AUTS2: variants seen among roughly 807,000 people sequenced by gnomAD.
The protein encoded by AUTS2 is autism susceptibility gene 2 protein.
In AUTS2, 17 loss-of-function variants were observed where a neutral mutation model predicts 112.4. That is an observed-to-expected ratio of 0.15 (90% CI 0.10 to 0.23). The LOEUF (loss-of-function observed/expected upper bound fraction) is 0.23. Ranked by LOEUF, AUTS2 falls within the 10% of genes least tolerant of loss-of-function variation. AUTS2 has a pLI of 1.00. For missense variants in AUTS2, 1,510 were observed against 1,701.6 expected (o/e 0.89, Z 1.98); for synonymous variants, 751 against 702.7 (o/e 1.07, Z -1.09).
chr7:70,152,892 G>T (rs1807521789), intron 4 of AUTS2, among the ~76,000 whole-genome samples: 1 of 152,094 alleles, frequency 6.6e-6, no homozygotes, highest in Non-Finnish European at 1.5e-5. Flanking sequence ...TTGAGGAATT[G>T]CAACTCTTTT....
chr7:70,108,337 G>A (rs967899460), intron 2 of AUTS2, among the ~76,000 whole-genome samples: 1 of 152,108 alleles, frequency 6.6e-6, no homozygotes, highest in African/African-American at 2.4e-5. Flanking sequence ...AATTAAAATG[G>A]ATAAACAGTA....
intron 4 of AUTS2, among the ~76,000 whole-genome samples, chr7:70,181,148 A>G (rs565008640): frequency 6.6e-6 from 1 of 152,328 alleles, no homozygotes; most frequent in Admixed American, 6.5e-5. Flanking sequence ...CTCTTCCACT[A>G]CTGCATAGTA....
At chr7:69,736,547 A>C (rs1252502161) in intron 1 of AUTS2, among the ~76,000 whole-genome samples, 1 of 152,174 alleles carries the variant, frequency 6.6e-6, no homozygotes, top group Non-Finnish European at 1.5e-5. Flanking sequence ...ATTTTAGAGA[A>C]GATATAAATT....
At position 70,131,736 on chromosome 7, in the gene AUTS2, C is replaced by G. The variant is rs536387308; in HGVS notation, c.625-2800C>G. ...TAGACTTTAGATTATAAATATATGA[C>G]AGAGACTCTTTACTGGGCCTTTTGG... On this transcript the variant is annotated intron_variant, in intron 3 of 18. Transcript: ENST00000342771. 7.9e-5 allele frequency among the ~76,000 whole-genome samples: 12 copies of G among 152,056 alleles called. No homozygotes were observed. The South Asian group carries it at 2.5e-3, about 32-fold the overall frequency.
chr7:70,036,732 G>A (rs1251245331), intron 2 of AUTS2, among the ~76,000 whole-genome samples: 1 of 152,242 alleles, frequency 6.6e-6, no homozygotes, highest in African/African-American at 2.4e-5. Context: ...AGAGTTAAAA[G>A]AGAAGGCCTC....
At chr7:70,715,355 C>T (rs998751850) in intron 6 of AUTS2, among the ~76,000 whole-genome samples, 3 of 152,112 alleles carry the variant, frequency 2.0e-5, no homozygotes, top group Admixed American at 2.0e-4. Context: ...AGAACAACAT[C>T]GTCAAATGAG....
chr7:70,778,547 G>A (rs1447789070), intron 14 of AUTS2, among the ~76,000 whole-genome samples: 1 of 150,750 alleles, frequency 6.6e-6, no homozygotes, highest in Non-Finnish European at 1.5e-5. Flanking sequence ...GTCCAGCCTG[G>A]GCAACATAGC....
chr7:70,217,845 ACTTTAAC>A (rs1811253405), intron 4 of AUTS2, among the ~76,000 whole-genome samples: 2 of 152,250 alleles, frequency 1.3e-5, no homozygotes, highest in Non-Finnish European at 2.9e-5. Context: ...GAAAGGCCAT[ACTTTAAC>A]CTTGTCTAGT....
chr7:70,387,327 A>C (rs1793657966), intron 4 of AUTS2, among the ~76,000 whole-genome samples: 1 of 152,164 alleles, frequency 6.6e-6, no homozygotes, highest in Non-Finnish European at 1.5e-5. Flanking sequence ...TGAGACCTCT[A>C]GGTAACCTGG....
rs371184125 is a variant in AUTS2 at position 70,777,189 on chromosome 7, C to T, written c.2004+15C>T. ...AGAAAGTCAAGGTCAGTCCGACCTTCGTGGTGTAGGGAAGAATGGGATGCA... is the reference window on the plus strand; with the variant it reads ...AGAAAGTCAAGGTCAGTCCGACCTTTGTGGTGTAGGGAAGAATGGGATGCA... On this transcript the variant is annotated intron_variant, in intron 14 of 18. Transcript: ENST00000342771. 18 of 1,611,086 alleles carry T rather than the reference C, an allele frequency of 1.1e-5. No homozygotes were observed. Among genetic ancestry groups the T allele is most frequent in the Middle Eastern group, 1.6e-4 (1 of 6,082 alleles).
intron 5 of AUTS2, among the ~76,000 whole-genome samples, chr7:70,517,859 C>A (rs1007148601): frequency 6.6e-6 from 1 of 151,872 alleles, no homozygotes; most frequent in Non-Finnish European, 1.5e-5. Flanking sequence ...TGATTTGTAT[C>A]CAGTTACATT....
chr7:70,131,280 A>G (rs950105459), intron 3 of AUTS2, among the ~76,000 whole-genome samples: 2 of 152,008 alleles, frequency 1.3e-5, no homozygotes, highest in Non-Finnish European at 2.9e-5. Context: ...GTGAGATGCT[A>G]TCTCTAGGAA....
intron 2 of AUTS2, among the ~76,000 whole-genome samples, chr7:69,926,688 A>G (rs544901006): frequency 8.4e-4 from 126 of 150,360 alleles, no homozygotes; most frequent in Non-Finnish European, 1.6e-3. Context: ...ATTTCATTTT[A>G]TGTCTTTTGT....
intron 3 of AUTS2, among the ~76,000 whole-genome samples, chr7:70,124,461 T>G (rs965973796): frequency 1.3e-5 from 2 of 152,150 alleles, no homozygotes; most frequent in African/African-American, 4.8e-5. Context: ...ACTGCCTAGG[T>G]TGTCTTCCAG....
intron 4 of AUTS2, among the ~76,000 whole-genome samples, chr7:70,297,069 C>T (rs561541831): frequency 1.4e-5 from 2 of 140,316 alleles, no homozygotes; most frequent in Admixed American, 1.5e-4. Context: ...AGGCTGGTTT[C>T]GAACTTTTGG....
intron 2 of AUTS2, among the ~76,000 whole-genome samples, chr7:70,092,244 G>A (rs921191731): frequency 1.5e-4 from 23 of 152,178 alleles, no homozygotes; most frequent in African/African-American, 4.8e-4. Flanking sequence ...TATTTTAGCC[G>A]TAAACTTAAT....
intron 1 of AUTS2, among the ~76,000 whole-genome samples, chr7:69,778,242 A>G (rs1036167954): frequency 1.2e-5 from 1 of 82,396 alleles, no homozygotes; most frequent in Non-Finnish European, 2.5e-5. Context: ...ATATATATAT[A>G]TATATTTTTT....
At chr7:70,701,522 T>C (rs1165380783) in intron 6 of AUTS2, among the ~76,000 whole-genome samples, 1 of 152,236 alleles carries the variant, frequency 6.6e-6, no homozygotes, top group Non-Finnish European at 1.5e-5. Flanking sequence ...ATCGATTTTA[T>C]TTTGACTTTC....
At chr7:69,636,450 G>T (rs914630051) in intron 1 of AUTS2, among the ~76,000 whole-genome samples, 4 of 129,472 alleles carry the variant, frequency 3.1e-5, no homozygotes, top group Non-Finnish European at 4.6e-5. Context: ...GGCCAGGCTG[G>T]TCTCGAACTC....
Sources: gnomAD v4.1 joint callset for allele counts (sites outside exome capture counted in the v4.1 genomes callset) on GRCh38, gnomAD v4.1.1 for gene constraint, MANE v1.5 for transcripts, NCBI Gene and HGNC (gene_info 2026-07-23, HGNC 2026-07-21) for gene names.